The following NPAS2 variants were observed in gnomAD, a reference collection of about 807,000 sequenced individuals.
The protein encoded by NPAS2 is neuronal PAS domain protein 2, also known as neuronal PAS domain-containing protein 2.
In NPAS2, 23 loss-of-function variants were observed where a neutral mutation model predicts 107.5. That is an observed-to-expected ratio of 0.21 (90% CI 0.15 to 0.30). NPAS2 has a LOEUF of 0.30. Ranked by LOEUF, NPAS2 falls within the 10% of genes least tolerant of loss-of-function variation. The probability of loss-of-function intolerance (pLI) is 1.00; values close to 1 mark genes in which losing one functional copy is unlikely to be tolerated. For synonymous variants in NPAS2, 403 were observed against 417.5 expected, an observed-to-expected ratio of 0.97 and a Z score of 0.42; for missense variants, 756 against 1,043.3, an observed-to-expected ratio of 0.72 and a Z score of 3.79.
intron 5 of NPAS2, among the ~76,000 whole-genome samples, chr2:100,946,825 G>GA (rs1674926921): frequency 1.3e-5 from 2 of 152,060 alleles, no homozygotes; most frequent in Admixed American, 1.3e-4. Flanking sequence ...ATTTGAGGGA[G>GA]AAAAATGGGC....
intron 12 of NPAS2, among the ~76,000 whole-genome samples, chr2:100,974,557 G>A (rs1299105753): frequency 6.6e-6 from 1 of 152,212 alleles, no homozygotes; most frequent in African/African-American, 2.4e-5. Context: ...TTACGAAAAT[G>A]TAAATAATAA....
At chr2:100,936,140 A>C (rs1278669014) in intron 4 of NPAS2, among the ~76,000 whole-genome samples, 1 of 152,154 alleles carries the variant, frequency 6.6e-6, no homozygotes, top group African/African-American at 2.4e-5. Flanking sequence ...TAAAATAATA[A>C]ATGAGTCTAG....
At chr2:100,964,712 A>C (rs192077558) in intron 8 of NPAS2, 149 bp from the exon 9 acceptor site, 9 of 591,772 alleles carry the variant, frequency 1.5e-5, no homozygotes, top group African/African-American at 3.9e-5. Context: ...GAAATTAGCT[A>C]CAGATGATGA....
intron 1 of NPAS2, among the ~76,000 whole-genome samples, chr2:100,841,680 TACAC>T (rs1205931932): frequency 6.6e-6 from 1 of 151,940 alleles, no homozygotes; most frequent in Non-Finnish European, 1.5e-5. Context: ...CACACATACA[TACAC>T]ACACAAATAC....
intron 5 of NPAS2, among the ~76,000 whole-genome samples, chr2:100,943,884 C>T (rs1001247893): frequency 1.3e-5 from 2 of 152,162 alleles, no homozygotes; most frequent in African/African-American, 4.8e-5. Flanking sequence ...TAATTTAGAA[C>T]CTTAATTTTG....
At position 100,965,246 on chromosome 2, in the gene NPAS2, C is replaced by T. The variant is rs978432613; in HGVS notation, c.800+303C>T. ...AGCAAGTGTGAGAGAAATCTCTCAT[C>T]TCATTTTTTTCAACATCCTTTGATC... is the stretch of plus-strand genomic sequence containing the variant. On this transcript the variant is annotated intron_variant, in intron 9 of 20. Transcript: ENST00000335681. The surrounding 1 kb of genome is among the most constrained non-coding windows in gnomAD (Gnocchi z 4.3). Among the ~76,000 whole-genome samples, 4 of 152,204 alleles carry T rather than the reference C, an allele frequency of 2.6e-5. No homozygotes were observed. Among genetic ancestry groups the T allele is most frequent in the African/African-American group, 9.6e-5 (4 of 41,454 alleles).
intron 5 of NPAS2, among the ~76,000 whole-genome samples, chr2:100,944,759 A>G (rs1674784434): frequency 6.6e-6 from 1 of 152,126 alleles, no homozygotes; most frequent in Non-Finnish European, 1.5e-5. Flanking sequence ...AACCTCCCAC[A>G]TATCATACCT....
chr2:100,934,970 A>G (rs766139721), intron 4 of NPAS2: 54 of 985,258 alleles, frequency 5.5e-5, no homozygotes, highest in Non-Finnish European at 6.3e-5. Flanking sequence ...TCCCTAGGGA[A>G]CTGCTAATGC....
rs149009421 is a variant in NPAS2, at chr2:100,968,458, G to A, written c.1055+30G>A. The A allele has an allele frequency of 1.1e-4, 184 of 1,604,644 alleles. 1 individual carries two copies. In the East Asian group the frequency reaches 1.9e-3, roughly 16 times the overall value. ...CGCGCACGGGCAGGGGTGCGGCTGC[G>A]TCCTTGTCGCACCTGGGGGAGGGGT... On this transcript the variant is annotated intron_variant, in intron 11 of 20. Coordinates refer to ENST00000335681, the MANE Select transcript of NPAS2 (RefSeq NM_002518.4). The surrounding 1 kb of genome is among the most constrained non-coding windows in gnomAD (Gnocchi z 5.3).
At chr2:100,877,427 T>TGCACTCTAGCCTGGGCA (rs1230725440) in intron 1 of NPAS2, among the ~76,000 whole-genome samples, 5 of 119,870 alleles carry the variant, frequency 4.2e-5, no homozygotes, top group African/African-American at 1.6e-4. Flanking sequence ...ATCGCGCCAC[T>TGCACTCTAGCCTGGGCA]AGAGTGAGAC....
At chr2:100,886,375 C>T (rs887023642) in intron 1 of NPAS2, among the ~76,000 whole-genome samples, 2 of 152,326 alleles carry the variant, frequency 1.3e-5, no homozygotes, top group South Asian at 2.1e-4. Context: ...TCTGCAGGCT[C>T]CCTGGTAGCT....
intron 12 of NPAS2, chr2:100,972,648 T>C (rs967531026): frequency 2.6e-5 from 4 of 152,198 alleles, no homozygotes; most frequent in African/African-American, 7.2e-5. Flanking sequence ...AGCACGCTGA[T>C]AGGACGCAGC....
intron 7 of NPAS2, among the ~76,000 whole-genome samples, chr2:100,956,078 TTA>T (rs1465204897): frequency 2.6e-5 from 4 of 151,984 alleles, no homozygotes; most frequent in Non-Finnish European, 5.9e-5. Context: ...GCTAATTCTT[TTA>T]TGTTTTGTAG....
rs59610453 is a variant in NPAS2 at position 100,955,453 on chromosome 2, A to C, written c.598+5973A>C. Among the ~76,000 whole-genome samples, 21 of 152,270 alleles carry C rather than the reference A, an allele frequency of 1.4e-4. No homozygotes were observed. In the South Asian group the frequency reaches 4.1e-3, roughly 30 times the overall value. On this transcript the variant is annotated intron_variant, in intron 7 of 20. Transcript: ENST00000335681. ...CCCCGGGACACAGCTGGTGGAGGGC[A>C]GAGCAGGGTTCAGACCAGACTTGAG... is the stretch of plus-strand genomic sequence containing the variant.
At chr2:100,920,454 C>T (rs1373965173) in intron 2 of NPAS2, among the ~76,000 whole-genome samples, 1 of 152,162 alleles carries the variant, frequency 6.6e-6, no homozygotes, top group African/African-American at 2.4e-5. Flanking sequence ...CTGTGCCCCA[C>T]TTCCCTGGAG....
At chr2:100,880,497 C>T (rs982118849) in intron 1 of NPAS2, among the ~76,000 whole-genome samples, 2 of 152,072 alleles carry the variant, frequency 1.3e-5, no homozygotes, top group African/African-American at 4.8e-5. Flanking sequence ...GGAGGGACCT[C>T]GAAAGCATTA....
At chr2:100,872,677 AC>A (rs1679651072) in intron 1 of NPAS2, among the ~76,000 whole-genome samples, 1 of 152,106 alleles carries the variant, frequency 6.6e-6, no homozygotes. Flanking sequence ...AACATCTAGA[AC>A]CTAGTGGCCA....
At chr2:100,882,239 G>A (rs960890100) in intron 1 of NPAS2, among the ~76,000 whole-genome samples, 1 of 152,140 alleles carries the variant, frequency 6.6e-6, no homozygotes, top group Non-Finnish European at 1.5e-5. Flanking sequence ...ACTGCCACAG[G>A]GGCCTGTAGA....
chr2:100,864,358 A>C lies in NPAS2; in HGVS notation c.-22-40375A>C, dbSNP rs116473377. ...TATTAGTATATTTAAATTGCTCACA[A>C]ATTTCCCTGATCTCTTCCAAAACTG... On this transcript the variant is annotated intron_variant, in intron 1 of 20. Transcript: ENST00000335681. 5.9e-3 allele frequency among the ~76,000 whole-genome samples: 891 copies of C among 152,284 alleles called. 6 individuals are homozygous for C. Among genetic ancestry groups the C allele is most frequent in the African/African-American group, 0.02 (832 of 41,560 alleles).
Sources: gnomAD v4.1 joint callset for allele counts (sites outside exome capture counted in the v4.1 genomes callset) on GRCh38, gnomAD v4.1.1 for gene constraint, Gnocchi (gnomAD v3.1) non-coding constraint, MANE v1.5 for transcripts, NCBI Gene and HGNC (gene_info 2026-07-23, HGNC 2026-07-21) for gene names.